The following CSGALNACT2 variants were observed in gnomAD, a reference collection of about 807,000 sequenced individuals.
CSGALNACT2 encodes chondroitin sulfate N-acetylgalactosaminyltransferase 2.
A neutral mutation model predicts 55.3 loss-of-function variants in CSGALNACT2; 35 were observed. That is an observed-to-expected ratio of 0.63 (90% CI 0.48 to 0.84). CSGALNACT2 has a LOEUF of 0.84. Among genes scored for constraint, CSGALNACT2 ranks in the 40% least tolerant of loss-of-function variants. CSGALNACT2 has a pLI of 0.00. For missense variants in CSGALNACT2, 544 were observed against 657.5 expected, an observed-to-expected ratio of 0.83 and a Z score of 1.89; for synonymous variants, 196 against 224.9, an observed-to-expected ratio of 0.87 and a Z score of 1.15.
At chr10:43,146,933 A>G (rs1177506135) in intron 1 of CSGALNACT2, among the ~76,000 whole-genome samples, 3 of 129,186 alleles carry the variant, frequency 2.3e-5, no homozygotes, top group Admixed American at 7.5e-5. Flanking sequence ...TTTGATTTGC[A>G]TTTCCCTAAT....
chr10:43,162,897 T>C (rs1183848887), intron 4 of CSGALNACT2: 45 of 985,342 alleles, frequency 4.6e-5, no homozygotes, highest in Non-Finnish European at 5.4e-5. Flanking sequence ...AGAAAAGTCC[T>C]GCTGATTCTC....
At chr10:43,174,528 T>G (rs149242509) in intron 6 of CSGALNACT2, among the ~76,000 whole-genome samples, 39 of 152,322 alleles carry the variant, frequency 2.6e-4, no homozygotes, top group East Asian at 2.1e-3. Context: ...ACATACCCAC[T>G]GTTCAGGACG....
chr10:43,165,102 G>C (rs917985245), intron 5 of CSGALNACT2, among the ~76,000 whole-genome samples: 1 of 152,116 alleles, frequency 6.6e-6, no homozygotes, highest in Non-Finnish European at 1.5e-5. Flanking sequence ...GTGGGTGCCT[G>C]TAGTCCTAGC....
intron 6 of CSGALNACT2, 78 bp downstream of exon 6, chr10:43,167,176 G>A: frequency 1.1e-6 from 1 of 917,628 alleles, no homozygotes; most frequent in Non-Finnish European, 1.7e-6. Flanking sequence ...AGAAAACAAA[G>A]TTTCAATAAA....
At chr10:43,178,713 C>T (rs1314549569) in intron 7 of CSGALNACT2, among the ~76,000 whole-genome samples, 1 of 148,230 alleles carries the variant, frequency 6.7e-6, no homozygotes, top group African/African-American at 2.5e-5. Context: ...TATTTTTTAT[C>T]GTTTTTTTCC....
chr10:43,159,616 G>T (rs1839100925), intron 3 of CSGALNACT2, among the ~76,000 whole-genome samples: 1 of 152,070 alleles, frequency 6.6e-6, no homozygotes, highest in Non-Finnish European at 1.5e-5. Flanking sequence ...TTTTTTAATT[G>T]AAATACATTT....
intron 4 of CSGALNACT2, chr10:43,163,361 A>G (rs1748916846): frequency 1.6e-6 from 1 of 635,498 alleles, no homozygotes; most frequent in Non-Finnish European, 2.0e-6. Context: ...ACTGGAACAA[A>G]TATGTCTAGC....
At chr10:43,149,121 C>T (rs1488877607) in intron 1 of CSGALNACT2, among the ~76,000 whole-genome samples, 3 of 152,056 alleles carry the variant, frequency 2.0e-5, no homozygotes, top group South Asian at 4.1e-4. Flanking sequence ...CTCGCTTTGT[C>T]GCCCAGGCTG....
At chr10:43,183,180 A>G (rs1026806618) in intron 7 of CSGALNACT2, 70 bp from the exon 8 acceptor site, 1 of 1,230,006 alleles carries the variant, frequency 8.1e-7, no homozygotes, top group Admixed American at 1.9e-5. Context: ...AACATTTAAA[A>G]TTTTATATAT....
At chr10:43,147,953 A>G (rs1554821822) in intron 1 of CSGALNACT2, among the ~76,000 whole-genome samples, 2 of 152,084 alleles carry the variant, frequency 1.3e-5, no homozygotes, top group Non-Finnish European at 2.9e-5. Context: ...TGTCATATCT[A>G]AGAAGCTGTT....
intron 7 of CSGALNACT2, among the ~76,000 whole-genome samples, chr10:43,180,518 A>G (rs1052266830): frequency 9.2e-5 from 14 of 152,104 alleles, no homozygotes; most frequent in African/African-American, 2.7e-4. Context: ...TGCTCTTTCC[A>G]TTAGAGCCCT....
At chr10:43,150,174 A>G (rs986213142) in intron 1 of CSGALNACT2, among the ~76,000 whole-genome samples, 2 of 152,194 alleles carry the variant, frequency 1.3e-5, no homozygotes. Flanking sequence ...TATTAATTCA[A>G]TCTTTTGTCA....
chr10:43,170,627 A>T (rs952794823), intron 6 of CSGALNACT2, among the ~76,000 whole-genome samples: 1 of 152,252 alleles, frequency 6.6e-6, no homozygotes. Flanking sequence ...AGGAAAGAAA[A>T]GTTAAGTCTT....
At chr10:43,164,631 G>T (rs1159358532) in intron 5 of CSGALNACT2, among the ~76,000 whole-genome samples, 2 of 152,190 alleles carry the variant, frequency 1.3e-5, no homozygotes, top group Non-Finnish European at 2.9e-5. Flanking sequence ...GGTGGATCAT[G>T]AGGTCAAGAG....
At chr10:43,181,494 T>C (rs1231855353) in intron 7 of CSGALNACT2, among the ~76,000 whole-genome samples, 3 of 152,210 alleles carry the variant, frequency 2.0e-5, no homozygotes, top group Non-Finnish European at 4.4e-5. Flanking sequence ...AGAGCTTATA[T>C]CTACAAGGAA....
intron 5 of CSGALNACT2, among the ~76,000 whole-genome samples, chr10:43,165,137 A>G (rs945559636): frequency 1.3e-5 from 2 of 152,150 alleles, no homozygotes; most frequent in African/African-American, 4.8e-5. Context: ...AGGCAGGAGA[A>G]TGGCGTGAGC....
intron 1 of CSGALNACT2, 72 bp from the exon 2 acceptor site, chr10:43,154,825 A>G (rs1297490247): frequency 4.1e-6 from 1 of 246,256 alleles, no homozygotes; most frequent in African/African-American, 2.3e-5. Flanking sequence ...AGCTAAGTTT[A>G]CTGAAGCCAC....
At chr10:43,161,404 C>T (rs1839145675) in intron 4 of CSGALNACT2, among the ~76,000 whole-genome samples, 1 of 152,210 alleles carries the variant, frequency 6.6e-6, no homozygotes, top group Non-Finnish European at 1.5e-5. Context: ...CACACCAGCT[C>T]TATATCCTTT....
At chr10:43,166,063 TA>T (rs1184039056) in intron 5 of CSGALNACT2, among the ~76,000 whole-genome samples, 1 of 152,240 alleles carries the variant, frequency 6.6e-6, no homozygotes, top group East Asian at 1.9e-4. Flanking sequence ...GCCTTCTTAT[TA>T]ATTAGGTTAG....
Sources: allele counts gnomAD v4.1 joint callset (sites outside exome capture counted in the v4.1 genomes callset), GRCh38; gene constraint gnomAD v4.1.1; transcripts MANE v1.5; gene names NCBI Gene and HGNC (gene_info 2026-07-23, HGNC 2026-07-21).